The following NAPG variants were observed in gnomAD, a reference collection of about 807,000 sequenced individuals.
The protein encoded by NAPG is gamma-soluble NSF attachment protein.
In NAPG, 25 loss-of-function variants were observed where a neutral mutation model predicts 48.4. That is an observed-to-expected ratio of 0.52 (90% CI 0.38 to 0.72). NAPG has a LOEUF of 0.72. Ranked by LOEUF, NAPG falls within the 30% of genes least tolerant of loss-of-function variation. The probability of loss-of-function intolerance (pLI) is 0.00; values close to 1 mark genes in which losing one functional copy is unlikely to be tolerated. For synonymous variants in NAPG, 139 were observed against 127.2 expected (o/e 1.09, Z -0.62); for missense variants, 359 against 372.5 (o/e 0.96, Z 0.30).
At position 10,548,946 on chromosome 18, in the gene NAPG, T is replaced by C. The variant is rs989943080; in HGVS notation, c.666-21T>C. On this transcript the variant is annotated intron_variant, in intron 10 of 11. Transcript: ENST00000322897. The surrounding 1 kb of genome is among the most constrained non-coding windows in gnomAD (Gnocchi z 4.4). ...TTCTTTTAAGGAGAAGGTGAAGACG[T>C]GTGATTTGTGCTTACTGCAGCATCC... The C allele has an allele frequency of 1.2e-6, 2 of 1,609,586 alleles. No homozygotes were observed. The highest frequency in any genetic ancestry group is 2.7e-5 in the African/African-American group (2 of 74,916).
At chr18:10,535,777 T>C (rs1414090257) in intron 5 of NAPG, among the ~76,000 whole-genome samples, 1 of 152,128 alleles carries the variant, frequency 6.6e-6, no homozygotes, top group South Asian at 2.1e-4. Context: ...ATAATAATAA[T>C]AGGAAAGTGT....
In NAPG at chr18:10,549,481, T is replaced by A. The variant is rs182916227; in HGVS notation, c.795+385T>A. 1.8e-3 allele frequency among the ~76,000 whole-genome samples: 268 copies of A among 152,306 alleles called. 1 individual carries two copies. Among genetic ancestry groups the A allele is most frequent in the Middle Eastern group, 6.8e-3 (2 of 294 alleles). ...TTGTAATTCAGTAGACCTATGAAAATCTGTGAGGACTAGCTGTGTGTTGCA... is the reference window on the plus strand; with the variant it reads ...TTGTAATTCAGTAGACCTATGAAAAACTGTGAGGACTAGCTGTGTGTTGCA... On this transcript the variant is annotated intron_variant, in intron 11 of 11. Coordinates refer to ENST00000322897, the MANE Select transcript of NAPG (RefSeq NM_003826.3).
intron 11 of NAPG, 102 bp downstream of exon 11, chr18:10,549,198 C>T: frequency 7.4e-7 from 1 of 1,351,594 alleles, no homozygotes; most frequent in Non-Finnish European, 1.0e-6. Flanking sequence ...TTTTTCCTAC[C>T]TCTTTTTTTC....
chr18:10,549,903 C>T (rs1293934920), intron 11 of NAPG, among the ~76,000 whole-genome samples, 174 bp from the exon 12 acceptor site: 1 of 152,062 alleles, frequency 6.6e-6, no homozygotes, highest in East Asian at 1.9e-4. Context: ...GTACCTGTCC[C>T]ACCATGGTCA....
At chr18:10,527,915 G>A (rs923444288) in intron 1 of NAPG, among the ~76,000 whole-genome samples, 1 of 152,244 alleles carries the variant, frequency 6.6e-6, no homozygotes, top group African/African-American at 2.4e-5. Flanking sequence ...GCTGGGCCCT[G>A]TCGCTCATGC....
In NAPG at chr18:10,551,470, T is replaced by C. The variant is rs956901624; in HGVS notation, c.*1250T>C. On this transcript the variant is annotated 3_prime_UTR_variant, in exon 12 of 12. Transcript: ENST00000322897. ...GCACTGCCAATATATTGATCCTTTA[T>C]AGTTATTTCCTAAAATGCTGTTTTC... The C allele has an allele frequency of 1.3e-5, 2 of 152,240 alleles. No homozygotes were observed. The allele number at this position is 152,240 out of a possible 1,614,324, so 9.4% of individuals were successfully genotyped here. A position where few individuals can be genotyped will look rare whatever the true frequency, so the allele number is the denominator to read the frequency against.
Position 10,539,746 on chromosome 18 carries a change from T to G in NAPG, c.259-16T>G, listed in dbSNP as rs1199123473. On this transcript the variant is annotated splice_polypyrimidine_tract_variant and intron_variant, in intron 5 of 11. Coordinates refer to ENST00000322897, the MANE Select transcript of NAPG (RefSeq NM_003826.3). This position sits in a 1 kb window ranked among gnomAD's most constrained non-coding sequence, Gnocchi z 4.7. ...GATGCATTTGCTGACCTGTCTACTGTATCCTTTGCCCAAAGGAGATGCAGA... is the reference window on the plus strand; with the variant it reads ...GATGCATTTGCTGACCTGTCTACTGGATCCTTTGCCCAAAGGAGATGCAGA... The G allele has an allele frequency of 1.9e-6, 3 of 1,602,838 alleles. No individual in the cohort carries two copies. In the African/African-American group the frequency reaches 4.0e-5, roughly 21 times the overall value.
In NAPG at chr18:10,551,981, C is replaced by G. The variant is rs2032405889; in HGVS notation, c.*1761C>G. The G allele has an allele frequency of 3.3e-5, 5 of 152,136 alleles. No individual in the cohort carries two copies. The highest frequency in any genetic ancestry group is 7.3e-5 in the Non-Finnish European group (5 of 68,034). The allele number at this position is 152,136 out of a possible 1,614,324, so 9.4% of individuals were successfully genotyped here. A position where few individuals can be genotyped will look rare whatever the true frequency, so the allele number is the denominator to read the frequency against. On this transcript the variant is annotated 3_prime_UTR_variant, in exon 12 of 12. Coordinates refer to ENST00000322897, the MANE Select transcript of NAPG (RefSeq NM_003826.3). Reference sequence around the variant, plus strand: ...AAGGACATTGCAGTGTTTCAAAGATCCCATCATTGCAGCTTGTATCCTTTA... The same window carrying G: ...AAGGACATTGCAGTGTTTCAAAGATGCCATCATTGCAGCTTGTATCCTTTA...
Position 10,552,626 on chromosome 18 carries a change from G to A in NAPG, c.*2406G>A, listed in dbSNP as rs376651356. 6 of 152,096 alleles carry A rather than the reference G, an allele frequency of 3.9e-5. No individual in the cohort carries two copies. The highest frequency in any genetic ancestry group is 2.6e-4 in the Admixed American group (4 of 15,262). 9.4% of individuals were successfully genotyped at this position (152,096 alleles called of 1,614,324 possible). A position where few individuals can be genotyped will look rare whatever the true frequency, so the allele number is the denominator to read the frequency against. On this transcript the variant is annotated 3_prime_UTR_variant, in exon 12 of 12. Transcript: ENST00000322897. ...ATTTATTTGTACATATGCAGAGTACGGTATTTCTGTATGGAATCTGCTTTA... is the reference window on the plus strand; with the variant it reads ...ATTTATTTGTACATATGCAGAGTACAGTATTTCTGTATGGAATCTGCTTTA...
In NAPG at chr18:10,546,073, C is replaced by G. The variant is rs1452452422; in HGVS notation, c.507-253C>G. Among the ~76,000 whole-genome samples, 2 of 152,198 alleles carry G rather than the reference C, an allele frequency of 1.3e-5. No homozygotes were observed. Among genetic ancestry groups the G allele is most frequent in the Admixed American group, 1.3e-4 (2 of 15,282 alleles). On this transcript the variant is annotated intron_variant, in intron 8 of 11. Transcript: ENST00000322897. The surrounding 1 kb of genome is among the most constrained non-coding windows in gnomAD (Gnocchi z 4.0). Reference sequence around the variant, plus strand: ...GACAGTCCTTACTAAGCTTAAAACTCCCCGTTTGACCTAACCCATCCTTGA... The same window carrying G: ...GACAGTCCTTACTAAGCTTAAAACTGCCCGTTTGACCTAACCCATCCTTGA...
rs908518124 is a variant in NAPG at position 10,543,337 on chromosome 18, C to T, written c.506+2938C>T. 6.6e-6 allele frequency among the ~76,000 whole-genome samples: 1 copy of T among 151,922 alleles called. No homozygotes were observed. The highest frequency in any genetic ancestry group is 1.5e-5 in the Non-Finnish European group (1 of 67,982). On this transcript the variant is annotated intron_variant, in intron 8 of 11. Transcript: ENST00000322897. The surrounding 1 kb of genome is among the most constrained non-coding windows in gnomAD (Gnocchi z 4.4). ...TGAGACAGTCACTAGATCCTAAACA[C>T]AAGGAGGGTTGGGTGTGTATATGTT...
chr18:10,536,718 T>C (rs1049650182), intron 5 of NAPG, among the ~76,000 whole-genome samples: 1 of 152,196 alleles, frequency 6.6e-6, no homozygotes, highest in Non-Finnish European at 1.5e-5. Flanking sequence ...TGCCTTCTAA[T>C]GTATTTTTTG....
At chr18:10,538,692 A>G (rs534400861) in intron 5 of NAPG, among the ~76,000 whole-genome samples, 1 of 152,344 alleles carries the variant, frequency 6.6e-6, no homozygotes, top group South Asian at 2.1e-4. Context: ...ATTGGGTTTA[A>G]TGAAGCTTGA....
In NAPG at chr18:10,550,955, A is replaced by G. The variant is rs1212320129; in HGVS notation, c.*735A>G. 1 of 151,640 alleles carries G rather than the reference A, an allele frequency of 6.6e-6. No homozygotes were observed. The highest frequency in any genetic ancestry group is 1.5e-5 in the Non-Finnish European group (1 of 67,930). 9.4% of individuals were successfully genotyped at this position (151,640 alleles called of 1,614,324 possible). On this transcript the variant is annotated 3_prime_UTR_variant, in exon 12 of 12. Coordinates refer to ENST00000322897, the MANE Select transcript of NAPG (RefSeq NM_003826.3). Reference sequence around the variant, plus strand: ...TTGGTTCTTGACCAAATAGGAGCTAATGGGTAATGAATACCTTTTTGTTTG... The same window carrying G: ...TTGGTTCTTGACCAAATAGGAGCTAGTGGGTAATGAATACCTTTTTGTTTG...
chr18:10,527,682 G>A (rs1476894967), intron 1 of NAPG, among the ~76,000 whole-genome samples: 2 of 151,976 alleles, frequency 1.3e-5, no homozygotes, highest in Admixed American at 6.5e-5. Context: ...GGAAAATCTT[G>A]TGAAAGAGAT....
intron 5 of NAPG, among the ~76,000 whole-genome samples, chr18:10,538,144 C>G (rs1159778216): frequency 6.6e-6 from 1 of 151,836 alleles, no homozygotes; most frequent in Non-Finnish European, 1.5e-5. Context: ...ACTGCATGAT[C>G]CTGAGATGTG....
chr18:10,526,506 T>C (rs1341510129), intron 1 of NAPG: 2 of 291,184 alleles, frequency 6.9e-6, no homozygotes, highest in East Asian at 1.5e-4. Context: ...CGGAGGCTCG[T>C]TAGCAGCATC....
rs890909584 is a variant in NAPG, at chr18:10,543,911, A to G, written c.507-2415A>G. On this transcript the variant is annotated intron_variant, in intron 8 of 11. Transcript: ENST00000322897. The surrounding 1 kb of genome is among the most constrained non-coding windows in gnomAD (Gnocchi z 4.4). The stretch of plus-strand genomic sequence containing the variant: ...AGTCGATCAACTTTTTCGACTACAA[A>G]CTCATGTAAGGGCTTGGCTCTTTTG... 6.6e-6 allele frequency among the ~76,000 whole-genome samples: 1 copy of G among 152,082 alleles called. No individual in the cohort carries two copies. The highest frequency in any genetic ancestry group is 1.5e-5 in the Non-Finnish European group (1 of 68,010).
chr18:10,548,435 C>T lies in NAPG; in HGVS notation c.665+57C>T. Reference sequence around the variant, plus strand: ...AGTGGCGACACCTCTGTGTCTACAACTAAGATTGCTGCTAGGACACATGTT... The same window carrying T: ...AGTGGCGACACCTCTGTGTCTACAATTAAGATTGCTGCTAGGACACATGTT... On this transcript the variant is annotated intron_variant, in intron 10 of 11. Transcript: ENST00000322897. The surrounding 1 kb of genome is among the most constrained non-coding windows in gnomAD (Gnocchi z 4.4). 7.4e-7 allele frequency: 1 copy of T among 1,344,360 alleles called. No individual in the cohort carries two copies. The highest frequency in any genetic ancestry group is 1.1e-6 in the Non-Finnish European group (1 of 937,426). 83.3% of individuals were successfully genotyped at this position (1,344,360 alleles called of 1,614,324 possible). A position where few individuals can be genotyped will look rare whatever the true frequency, so the allele number is the denominator to read the frequency against.
Sources: allele counts gnomAD v4.1 joint callset (sites outside exome capture counted in the v4.1 genomes callset), GRCh38; gene constraint gnomAD v4.1.1; non-coding constraint Gnocchi (gnomAD v3.1); transcripts MANE v1.5; gene names NCBI Gene and HGNC (gene_info 2026-07-23, HGNC 2026-07-21).